The following ARL15 variants were observed in gnomAD, a reference collection of about 807,000 sequenced individuals.
ARL15 encodes the protein ARF like GTPase 15, also known as ADP-ribosylation factor-like protein 15.
A neutral mutation model predicts 25.2 loss-of-function variants in ARL15; 19 were observed. That is an observed-to-expected ratio of 0.75 (90% CI 0.53 to 1.10). The LOEUF (loss-of-function observed/expected upper bound fraction) is 1.10, where lower values mean the gene tolerates loss of function less well. Among genes scored for constraint, ARL15 ranks in the 50% least tolerant of loss-of-function variants. The pLI is 0.00. For synonymous variants in ARL15, 94 were observed against 86.8 expected, an observed-to-expected ratio of 1.08 and a Z score of -0.46; for missense variants, 220 against 246.0, an observed-to-expected ratio of 0.89 and a Z score of 0.71.
At chr5:54,107,255 C>T (rs1045939680) in intron 4 of ARL15, among the ~76,000 whole-genome samples, 4 of 152,020 alleles carry the variant, frequency 2.6e-5, no homozygotes, top group South Asian at 4.1e-4. Context: ...TCCCACAACA[C>T]GTGAGAATTC....
intron 1 of ARL15, among the ~76,000 whole-genome samples, chr5:54,197,957 G>A (rs891911084): frequency 4.0e-5 from 6 of 151,718 alleles, no homozygotes; most frequent in Non-Finnish European, 8.8e-5. Flanking sequence ...ATGATCAAGT[G>A]GGCTTCATCC....
chr5:53,891,807 A>C (rs72763114), intron 4 of ARL15, among the ~76,000 whole-genome samples: 13,879 of 152,264 alleles, frequency 0.091, 758 homozygotes, highest in Non-Finnish European at 0.13. Context: ...TTGGCTTCCC[A>C]TAACTTCATT....
At chr5:53,970,391 A>C (rs1279115820) in intron 4 of ARL15, among the ~76,000 whole-genome samples, 3 of 152,192 alleles carry the variant, frequency 2.0e-5, no homozygotes, top group Non-Finnish European at 4.4e-5. Flanking sequence ...TTTTCTTTGA[A>C]TAAAGCTTAA....
At chr5:54,063,714 G>A (rs1271216305) in intron 4 of ARL15, among the ~76,000 whole-genome samples, 1 of 152,128 alleles carries the variant, frequency 6.6e-6, no homozygotes, top group Non-Finnish European at 1.5e-5. Context: ...CAAAGGGTTT[G>A]CCTGCTACAT....
intron 4 of ARL15, among the ~76,000 whole-genome samples, chr5:54,040,349 G>A (rs558956745): frequency 3.9e-5 from 6 of 152,292 alleles, no homozygotes; most frequent in Non-Finnish European, 8.8e-5. Context: ...AGTGGGAAGA[G>A]AGAATCAAAT....
intron 1 of ARL15, chr5:54,282,642 C>T: frequency 1.2e-6 from 1 of 825,120 alleles, no homozygotes; most frequent in Non-Finnish European, 1.5e-6. Flanking sequence ...CTCTAATATC[C>T]CATTTTAATA....
At chr5:54,174,766 T>A (rs1402599061) in intron 1 of ARL15, among the ~76,000 whole-genome samples, 2 of 152,264 alleles carry the variant, frequency 1.3e-5, no homozygotes. Context: ...AGACTCAGAA[T>A]GAGAGTTTTT....
chr5:54,190,671 C>T (rs747778039), intron 1 of ARL15, among the ~76,000 whole-genome samples: 1 of 152,136 alleles, frequency 6.6e-6, no homozygotes, highest in Non-Finnish European at 1.5e-5. Context: ...AAGGCCATAG[C>T]CCCCAGACTT....
intron 1 of ARL15, among the ~76,000 whole-genome samples, chr5:54,189,071 T>C (rs1484201734): frequency 1.3e-5 from 2 of 152,092 alleles, no homozygotes; most frequent in Non-Finnish European, 2.9e-5. Context: ...CCATTTATAA[T>C]AGCACGTAAA....
At chr5:54,236,413 C>CAT (rs1756809540) in intron 1 of ARL15, among the ~76,000 whole-genome samples, 1 of 99,736 alleles carries the variant, frequency 1.0e-5, no homozygotes, top group African/African-American at 3.9e-5. Flanking sequence ...CACAGACACA[C>CAT]ACACACACAC....
intron 4 of ARL15, among the ~76,000 whole-genome samples, chr5:53,991,874 C>G (rs1199873623): frequency 2.6e-5 from 4 of 151,942 alleles, no homozygotes; most frequent in African/African-American, 9.7e-5. Context: ...AAGGAGCTGT[C>G]CTAATAACTT....
chr5:53,897,313 G>A (rs560936222), intron 4 of ARL15, among the ~76,000 whole-genome samples: 36 of 152,242 alleles, frequency 2.4e-4, no homozygotes, highest in Admixed American at 5.2e-4. Context: ...TGCCTATTCT[G>A]AACATTTCAT....
At chr5:54,046,380 C>G (rs1750512772) in intron 4 of ARL15, among the ~76,000 whole-genome samples, 1 of 152,094 alleles carries the variant, frequency 6.6e-6, no homozygotes, top group Non-Finnish European at 1.5e-5. Flanking sequence ...ACTTGGGAGG[C>G]TGAGGTGGGA....
chr5:54,010,872 G>A (rs994297404), intron 4 of ARL15, among the ~76,000 whole-genome samples: 4 of 151,946 alleles, frequency 2.6e-5, no homozygotes, highest in Non-Finnish European at 4.4e-5. Context: ...GGTGGTGGGC[G>A]CCTGTAGTCC....
intron 4 of ARL15, among the ~76,000 whole-genome samples, chr5:53,985,106 GGT>G (rs1748248130): frequency 6.6e-6 from 1 of 151,976 alleles, no homozygotes; most frequent in South Asian, 2.1e-4. Flanking sequence ...TTACATAGAG[GGT>G]GAGTACATGC....
chr5:53,898,912 C>T (rs1744964775), intron 4 of ARL15, among the ~76,000 whole-genome samples: 2 of 152,110 alleles, frequency 1.3e-5, no homozygotes, highest in Non-Finnish European at 2.9e-5. Flanking sequence ...TCTTGGCCTA[C>T]CAAATTGCTG....
At chr5:53,954,251 C>A (rs933415650) in intron 4 of ARL15, among the ~76,000 whole-genome samples, 3 of 152,124 alleles carry the variant, frequency 2.0e-5, no homozygotes, top group Admixed American at 6.6e-5. Context: ...GCAAGGAAGA[C>A]CCAGCTACTT....
chr5:54,307,565 C>T (rs1309275233), intron 1 of ARL15, among the ~76,000 whole-genome samples: 1 of 152,110 alleles, frequency 6.6e-6, no homozygotes, highest in East Asian at 1.9e-4. Context: ...CTTCTGAGAA[C>T]ATTTGTTTTA....
intron 3 of ARL15, among the ~76,000 whole-genome samples, chr5:54,144,453 AT>A (rs1403722238): frequency 6.6e-6 from 1 of 152,172 alleles, no homozygotes; most frequent in Non-Finnish European, 1.5e-5. Flanking sequence ...TTCATTTTAA[AT>A]TTTAAAGTCA....
Sources: gnomAD v4.1 joint callset for allele counts (sites outside exome capture counted in the v4.1 genomes callset) on GRCh38, gnomAD v4.1.1 for gene constraint, MANE v1.5 for transcripts, NCBI Gene and HGNC (gene_info 2026-07-23, HGNC 2026-07-21) for gene names.